Variants in FKBP5 observed in about 807,000 individuals in gnomAD.
The protein encoded by FKBP5 is peptidyl-prolyl cis-trans isomerase FKBP5.
A neutral mutation model predicts 50.5 loss-of-function variants in FKBP5; 23 were observed. The observed-to-expected ratio is 0.46, with a 90% CI of 0.33 to 0.65. The LOEUF is 0.65. FKBP5 is among the 30% of genes least tolerant of loss of function. The pLI, the probability that FKBP5 is intolerant of heterozygous loss-of-function variation, is 0.02. For synonymous variants in FKBP5, 176 were observed against 190.6 expected (o/e 0.92, Z 0.63); for missense variants, 411 against 553.1 (o/e 0.74, Z 2.58).
intron 5 of FKBP5, among the ~76,000 whole-genome samples, chr6:35,599,418 T>A (rs926383483): frequency 2.6e-5 from 4 of 152,222 alleles, no homozygotes; most frequent in Non-Finnish European, 5.9e-5. Flanking sequence ...AGAAATGGTG[T>A]AGACACTAGG....
rs938652911 is a variant in FKBP5, at chr6:35,574,076, T to C, written c.*1759A>G. ...AAGCAAAATCAGCTTTTGCTCTTCA[T>C]ATTTCGTAGGTGAGACTGGGGCTTT... On this transcript the variant is annotated 3_prime_UTR_variant, in exon 11 of 11. Coordinates refer to ENST00000357266, the MANE Select transcript of FKBP5 (RefSeq NM_004117.4). 6.6e-6 allele frequency: 1 copy of C among 152,218 alleles called. No individual in the cohort carries two copies. The highest frequency in any genetic ancestry group is 2.1e-4 in the South Asian group (1 of 4,830). 9.4% of individuals were successfully genotyped at this position (152,218 alleles called of 1,614,324 possible). A position where few individuals can be genotyped will look rare whatever the true frequency, so the allele number is the denominator to read the frequency against.
At chr6:35,601,601 T>C (rs1351954425) in intron 5 of FKBP5, among the ~76,000 whole-genome samples, 1 of 152,174 alleles carries the variant, frequency 6.6e-6, no homozygotes, top group African/African-American at 2.4e-5. Flanking sequence ...ACAAAAACCA[T>C]GGCAGCTCTG....
At chr6:35,693,202 G>T (rs570112647), upstream of FKBP5, among the ~76,000 whole-genome samples, 42 of 112,880 alleles carry the variant, frequency 3.7e-4, no homozygotes, top group East Asian at 0.011. Context: ...TGGCTCTGTT[G>T]CCCAGGCTGG....
At chr6:35,584,756 T>C (rs892192405) in intron 8 of FKBP5, 3 of 985,264 alleles carry the variant, frequency 3.0e-6, no homozygotes, top group Non-Finnish European at 3.6e-6. Context: ...TTTTCCCCAA[T>C]GGACTAATGT....
rs992981630 is a variant in FKBP5 at position 35,580,178 on chromosome 6, A to C, written c.884T>G (p.Val295Gly). Reference sequence around the variant, plus strand: ...ACCATATTCCATCTCTAACCAGGACACTATCTTCCCATACTGAATCACCGC... The same window carrying C: ...ACCATATTCCATCTCTAACCAGGACCCTATCTTCCCATACTGAATCACCGC... Reference protein sequence around the residue: ...MQAVIQYGKIVSWLEMEYGLS... With the variant: ...MQAVIQYGKIGSWLEMEYGLS... Residue 295 changes from valine (V) to glycine (G), a missense_variant, in exon 9 of 11, where the codon GTG (valine) becomes GGG (glycine). Coordinates refer to ENST00000357266, the MANE Select transcript of FKBP5 (RefSeq NM_004117.4). 1 of 1,614,098 alleles carries C rather than the reference A, an allele frequency of 6.2e-7. No individual in the cohort carries two copies. The highest frequency in any genetic ancestry group is 8.5e-7 in the Non-Finnish European group (1 of 1,179,948).
intron 3 of FKBP5, among the ~76,000 whole-genome samples, chr6:35,628,521 T>A (rs1188639044): frequency 6.6e-6 from 1 of 152,218 alleles, no homozygotes; most frequent in Non-Finnish European, 1.5e-5. Flanking sequence ...CATTCCTGCT[T>A]CACCTTCCTT....
intron 6 of FKBP5, among the ~76,000 whole-genome samples, chr6:35,593,930 T>C (rs1259448971): frequency 6.6e-6 from 1 of 152,152 alleles, no homozygotes; most frequent in Non-Finnish European, 1.5e-5. Flanking sequence ...GTTAAAACTA[T>C]ATACACTTGA....
intron 5 of FKBP5, among the ~76,000 whole-genome samples, chr6:35,607,415 T>G (rs1340152215): frequency 1.3e-5 from 2 of 151,036 alleles, no homozygotes; most frequent in Non-Finnish European, 3.0e-5. Flanking sequence ...TGTTGCCCAG[T>G]TTGGTCTTAA....
upstream of FKBP5, among the ~76,000 whole-genome samples, chr6:35,692,042 C>T (rs1443421045): frequency 3.3e-5 from 5 of 152,170 alleles, no homozygotes; most frequent in Non-Finnish European, 7.3e-5. Flanking sequence ...TGGTAGTGAC[C>T]CTGGGCATGC....
At chr6:35,669,766 A>G (rs75701994) in intron 1 of FKBP5, among the ~76,000 whole-genome samples, 2 of 152,356 alleles carry the variant, frequency 1.3e-5, no homozygotes, top group East Asian at 3.9e-4. Context: ...GTAAGAATTC[A>G]CATAACAAAC....
chr6:35,622,347 C>CAAAAATTTA (rs1294908513), intron 3 of FKBP5, among the ~76,000 whole-genome samples: 1 of 151,896 alleles, frequency 6.6e-6, no homozygotes, highest in African/African-American at 2.4e-5. Flanking sequence ...TCCATCTCTA[C>CAAAAATTTA]AAAAATTTAA....
At chr6:35,655,079 T>C (rs1462777749) in intron 1 of FKBP5, among the ~76,000 whole-genome samples, 1 of 152,050 alleles carries the variant, frequency 6.6e-6, no homozygotes, top group African/African-American at 2.4e-5. Flanking sequence ...CCCAGCACTT[T>C]GGGAGGCTGA....
At chr6:35,684,419 C>T (rs1232792623) in intron 1 of FKBP5, among the ~76,000 whole-genome samples, 1 of 152,088 alleles carries the variant, frequency 6.6e-6, no homozygotes, top group East Asian at 1.9e-4. Context: ...CTCAAGCAAT[C>T]CACGTGCCTT....
chr6:35,724,608 T>C (rs1766667458), intron 1 of FKBP5, among the ~76,000 whole-genome samples: 1 of 152,054 alleles, frequency 6.6e-6, no homozygotes, highest in Non-Finnish European at 1.5e-5. Context: ...CCAGGTGTGA[T>C]GGTTCACACC....
At chr6:35,635,943 A>C (rs1420801052) in intron 3 of FKBP5, among the ~76,000 whole-genome samples, 1 of 152,256 alleles carries the variant, frequency 6.6e-6, no homozygotes, top group Non-Finnish European at 1.5e-5. Flanking sequence ...TACTACATCA[A>C]AACTGTACAA....
At chr6:35,718,864 T>C (rs1481426381) in intron 2 of FKBP5, among the ~76,000 whole-genome samples, 1 of 152,080 alleles carries the variant, frequency 6.6e-6, no homozygotes, top group Non-Finnish European at 1.5e-5. Context: ...GAAAAACAAA[T>C]AATCTAACTA....
intron 5 of FKBP5, among the ~76,000 whole-genome samples, chr6:35,618,845 C>T (rs920774689): frequency 6.6e-6 from 1 of 152,062 alleles, no homozygotes; most frequent in Admixed American, 6.5e-5. Context: ...CAGGCGTGCA[C>T]CACCACACCT....
At chr6:35,727,650 C>A (rs576655839) in intron 1 of FKBP5, among the ~76,000 whole-genome samples, 136 of 152,316 alleles carry the variant, frequency 8.9e-4, no homozygotes, top group African/African-American at 3.1e-3. Flanking sequence ...TGAATTGGCC[C>A]CCTCAACACG....
intron 1 of FKBP5, among the ~76,000 whole-genome samples, chr6:35,663,788 G>C (rs1765140308): frequency 6.6e-6 from 1 of 152,168 alleles, no homozygotes; most frequent in South Asian, 2.1e-4. Context: ...AAATAAAAGA[G>C]CAAAAATCGA....
Sources: allele counts gnomAD v4.1 joint callset (sites outside exome capture counted in the v4.1 genomes callset), GRCh38; gene constraint gnomAD v4.1.1; transcripts MANE v1.5; gene names NCBI Gene and HGNC (gene_info 2026-07-23, HGNC 2026-07-21).